Variants in KMT2C observed in about 807,000 individuals in gnomAD.
The protein encoded by KMT2C is lysine methyltransferase 2C, also known as histone-lysine N-methyltransferase 2C.
Under a neutral mutation model 507.9 loss-of-function variants are expected in KMT2C, and 88 were observed. The observed-to-expected ratio is 0.17, with a 90% CI of 0.15 to 0.21. The LOEUF is 0.21. Among genes scored for constraint, KMT2C ranks in the 10% least tolerant of loss-of-function variants. The pLI is 1.00. For synonymous variants in KMT2C, 2,049 were observed against 2,080.8 expected (o/e 0.98, Z 0.42); for missense variants, 4,954 against 5,957.8 (o/e 0.83, Z 5.55).
chr7:152,170,491 T>C (rs2092914021), intron 40 of KMT2C, among the ~76,000 whole-genome samples: 1 of 152,128 alleles, frequency 6.6e-6, no homozygotes, highest in South Asian at 2.1e-4. Context: ...ATATAGCATA[T>C]TGTTTTCTAC....
In KMT2C at chr7:152,277,894, T is replaced by C. The variant is rs78000944; in HGVS notation, c.850-4027A>G. Among the ~76,000 whole-genome samples, 50 of 152,232 alleles carry C rather than the reference T, an allele frequency of 3.3e-4. No individual in the cohort carries two copies. In the East Asian group the frequency reaches 7.3e-3, roughly 22 times the overall value. On this transcript the variant is annotated intron_variant, in intron 6 of 58. Transcript: ENST00000262189. ...ATAGGTTAAATTCTCTAGTAAAAGA[T>C]AGCAACTTTCAAAACATGCAAAATA...
At chr7:152,185,964 T>TGC in intron 33 of KMT2C, among the ~76,000 whole-genome samples, 1 of 152,180 alleles carries the variant, frequency 6.6e-6, no homozygotes, top group Non-Finnish European at 1.5e-5. Flanking sequence ...TACAAGTTTG[T>TGC]AAAACATCTG....
chr7:152,169,122 C>T (rs1006111403), intron 41 of KMT2C, 64 bp downstream of exon 41: 21 of 1,041,834 alleles, frequency 2.0e-5, no homozygotes, highest in Non-Finnish European at 3.2e-5. Flanking sequence ...AGGTTTAGAA[C>T]AGCACACATA....
In KMT2C at chr7:152,315,186, T is replaced by C. The variant is rs757135571; in HGVS notation, c.542A>G (p.Tyr181Cys). The change falls in exon 4 of 59, where the codon TAT becomes TGT. Residue 181 changes from tyrosine (Y) to cysteine (C), a missense_variant. Physicochemically the swap from Tyr to Cys is radical, Grantham distance 194 (BLOSUM62 -2). This residue lies in a region of KMT2C where 233 missense variants were observed against 263.6 expected (regional missense o/e 0.88). Transcript: ENST00000262189. ...TGGTGCTGAGTTTTGCATTTTCTCATAGGTTCCATTGCTGTTGTCATCAAT... is the reference window on the plus strand; with the variant it reads ...TGGTGCTGAGTTTTGCATTTTCTCACAGGTTCCATTGCTGTTGTCATCAAT... ...KDIDDNSNGT[Y>C]EKMQNSAPRK... The C allele has an allele frequency of 3.1e-6, 5 of 1,613,972 alleles. No homozygotes were observed. The highest frequency in any genetic ancestry group is 3.3e-5 in the Admixed American group (2 of 59,998).
In KMT2C at chr7:152,162,355, C is replaced by A. The variant is rs550787156; in HGVS notation, c.11222G>T (p.Gly3741Val). The A allele has an allele frequency of 6.8e-6, 11 of 1,614,244 alleles. No individual in the cohort carries two copies. The highest frequency in any genetic ancestry group is 9.3e-6 in the Non-Finnish European group (11 of 1,180,048). The change falls in exon 43 of 59, where the codon GGT (glycine) becomes GTT (valine). Residue 3741 changes from glycine (G) to valine (V), a missense_variant. Physicochemically the swap from Gly to Val is moderately radical, Grantham distance 109. This residue lies in a region of KMT2C where 801 missense variants were observed against 751.2 expected (regional missense o/e 1.07). Coordinates refer to ENST00000262189, the MANE Select transcript of KMT2C (RefSeq NM_170606.3). Reference sequence around the variant, plus strand: ...TACAGCGTTTCCTTCTACCTTACTACCATTCTGTTCCTCCAATTTAGGCTC... The same window carrying A: ...TACAGCGTTTCCTTCTACCTTACTAACATTCTGTTCCTCCAATTTAGGCTC... Reference protein sequence around the residue: ...QEEPKLEEQNGSKVEGNAVAC... With the variant: ...QEEPKLEEQNVSKVEGNAVAC...
chr7:152,312,151 G>A (rs1325787696), intron 4 of KMT2C: 1 of 364,970 alleles, frequency 2.7e-6, no homozygotes, highest in African/African-American at 2.1e-5. Flanking sequence ...TAAGTAACAA[G>A]TAAGAAAAAG....
intron 6 of KMT2C, among the ~76,000 whole-genome samples, chr7:152,275,084 A>G (rs1439299560): frequency 6.6e-6 from 1 of 152,184 alleles, no homozygotes; most frequent in Non-Finnish European, 1.5e-5. Flanking sequence ...CTAATTAACC[A>G]GGGACTACAG....
At chr7:152,289,554 A>C (rs1215086697) in intron 6 of KMT2C, among the ~76,000 whole-genome samples, 1 of 152,220 alleles carries the variant, frequency 6.6e-6, no homozygotes, top group East Asian at 1.9e-4. Context: ...CAAATAACAA[A>C]CCACAATTAT....
chr7:152,249,937 A>C lies in KMT2C; in HGVS notation c.1752T>G (p.Thr584=), dbSNP rs150040364. The change falls in exon 13 of 59, where the codon ACT becomes ACG. Residue 584 remains threonine (T), a synonymous_variant. Transcript: ENST00000262189. ...AGGGATGACTCTTCTGTTGCTCTTC[A>C]GTGTGGACTTGAACCGCTGTGAGTA... is the stretch of plus-strand genomic sequence containing the variant. ...GIVPDAVQVH[T]EEQQKSHPSE... 1.9e-6 allele frequency: 3 copies of C among 1,609,748 alleles called. No homozygotes were observed. In the African/African-American group the frequency reaches 4.0e-5, roughly 22 times the overall value.
intron 1 of KMT2C, among the ~76,000 whole-genome samples, chr7:152,390,878 G>A (rs891564827): frequency 2.6e-5 from 4 of 152,178 alleles, no homozygotes; most frequent in East Asian, 1.9e-4. Flanking sequence ...CAGGAGCAAC[G>A]GCTCACGCCT....
rs151064658 is a variant in KMT2C, at chr7:152,146,988, G to A, written c.13895-253C>T. Among the ~76,000 whole-genome samples the A allele has an allele frequency of 4.4e-4, 67 of 152,248 alleles. 1 individual carries two copies. The highest frequency in any genetic ancestry group is 1.9e-3 in the Admixed American group (29 of 15,294). On this transcript the variant is annotated intron_variant, in intron 52 of 58. Transcript: ENST00000262189. Reference sequence around the variant, plus strand: ...TAAAGTGAAAAAACTTAATGTAACTGAAATTCATGCAAACAGTTCATTTAC... The same window carrying A: ...TAAAGTGAAAAAACTTAATGTAACTAAAATTCATGCAAACAGTTCATTTAC...
At chr7:152,164,836 G>A (rs188672954) in intron 42 of KMT2C, among the ~76,000 whole-genome samples, 2 of 152,148 alleles carry the variant, frequency 1.3e-5, no homozygotes, top group African/African-American at 2.4e-5. Flanking sequence ...CAATACTACA[G>A]GCCAGATATC....
chr7:152,230,470 C>T (rs77273526), intron 16 of KMT2C, 149 bp from the exon 17 acceptor site: 18 of 453,834 alleles, frequency 4.0e-5, no homozygotes, highest in Non-Finnish European at 6.8e-5. Context: ...AAGATACTAC[C>T]GTAAAATGGA....
intron 5 of KMT2C, among the ~76,000 whole-genome samples, chr7:152,311,430 G>A (rs1180821368): frequency 6.6e-6 from 1 of 152,100 alleles, no homozygotes; most frequent in Non-Finnish European, 1.5e-5. Flanking sequence ...ACCCGGCTAA[G>A]ACCTATTTTC....
rs745695317 is a variant in KMT2C, at chr7:152,157,767, G to C, written c.11670+1096C>G. 2.4e-6 allele frequency: 3 copies of C among 1,266,338 alleles called. No homozygotes were observed. The South Asian group carries it at 4.1e-5, about 17-fold the overall frequency. 78.4% of individuals were successfully genotyped at this position (1,266,338 alleles called of 1,614,324 possible). On this transcript the variant is annotated intron_variant, in intron 44 of 58. Transcript: ENST00000262189. ...CCTTGGCAGAGAAACATACCTTGTA[G>C]ATCAACTGAGAATAGTAGTCCGAAA...
chr7:152,181,806 T>C lies in KMT2C; in HGVS notation c.6054A>G (p.Gln2018=). The C allele has an allele frequency of 6.2e-7, 1 of 1,614,098 alleles. No homozygotes were observed. Among genetic ancestry groups the C allele is most frequent in the South Asian group, 1.1e-5 (1 of 91,078 alleles). ...CATATGAGTCAGGTATCCTTTGTCT[T>C]TGAAACACATCTGCCCTAGGAGATG... is the stretch of plus-strand genomic sequence containing the variant. ...TKPSPRADVF[Q]RQRIPDSYAR... Residue 2018 remains glutamine (Q), a synonymous_variant, in exon 36 of 59, where the codon CAA becomes CAG. Transcript: ENST00000262189.
intron 1 of KMT2C, among the ~76,000 whole-genome samples, chr7:152,407,685 A>AAGG (rs373786226): frequency 6.8e-6 from 1 of 147,766 alleles, no homozygotes; most frequent in Non-Finnish European, 1.5e-5. Context: ...AAAAAAAAAA[A>AAGG]GGTAGCAAAG....
chr7:152,196,578 T>C (rs753519298), intron 27 of KMT2C, among the ~76,000 whole-genome samples: 28 of 152,224 alleles, frequency 1.8e-4, no homozygotes, highest in African/African-American at 6.5e-4. Flanking sequence ...GTATCAGGCA[T>C]TGCCCACTCA....
intron 6 of KMT2C, among the ~76,000 whole-genome samples, chr7:152,297,055 CAGAGAGAGAGAGAG>C (rs769381866): frequency 3.2e-4 from 27 of 84,428 alleles, no homozygotes; most frequent in East Asian, 2.1e-3. Context: ...GAAAGAAAGA[CAGAGAGAGAGAGAG>C]AGAGAGAGAG....
Sources: gnomAD v4.1 joint callset for allele counts (sites outside exome capture counted in the v4.1 genomes callset) on GRCh38, gnomAD v4.1.1 for gene constraint, gnomAD v4.1.1 regional missense constraint, MANE v1.5 for transcripts, NCBI Gene and HGNC (gene_info 2026-07-23, HGNC 2026-07-21) for gene names.